The following NLGN4X variants were observed in gnomAD, a reference collection of about 807,000 sequenced individuals.
NLGN4X encodes neuroligin 4 X-linked, also known as neuroligin-4, X-linked.
Under a neutral mutation model 40.3 loss-of-function variants are expected in NLGN4X, and 3 were observed. The ratio of observed to expected loss-of-function variants is 0.07; its 90% CI spans 0.03 to 0.19. The LOEUF (loss-of-function observed/expected upper bound fraction) is 0.19. Ranked by LOEUF, NLGN4X falls within the 10% of genes least tolerant of loss-of-function variation. The probability of loss-of-function intolerance (pLI) is 1.00; values close to 1 mark genes in which losing one functional copy is unlikely to be tolerated. For synonymous variants in NLGN4X, 270 were observed against 306.8 expected (o/e 0.88, Z 1.25); for missense variants, 382 against 708.3 (o/e 0.54, Z 5.23).
At chrX:5,918,617 ACCAAAC>A (rs2032904429) in intron 3 of NLGN4X, among the ~76,000 whole-genome samples, 1 of 112,306 alleles carries the variant, frequency 8.9e-6, no homozygotes, top group Non-Finnish European at 1.9e-5. Flanking sequence ...TGCCGCTTTA[ACCAAAC>A]TCTCTGCCTC....
chrX:6,125,297 A>C (rs1371164335), intron 2 of NLGN4X, among the ~76,000 whole-genome samples: 1 of 112,388 alleles, frequency 8.9e-6, no homozygotes, highest in Non-Finnish European at 1.9e-5. Context: ...TAAGAGCAGA[A>C]ATTAGCGAAA....
At chrX:6,001,523 C>T (rs760903512) in intron 3 of NLGN4X, among the ~76,000 whole-genome samples, 4 of 111,936 alleles carry the variant, frequency 3.6e-5, no homozygotes, top group Admixed American at 9.5e-5. Context: ...AATTTTTCAC[C>T]TGCAGAATGA....
intron 2 of NLGN4X, among the ~76,000 whole-genome samples, chrX:6,133,923 C>G (rs1422955567): frequency 9.0e-6 from 1 of 111,616 alleles, no homozygotes; most frequent in Non-Finnish European, 1.9e-5. Flanking sequence ...TGCAACTACT[C>G]AACTTCGTCT....
chrX:6,182,685 G>C (rs1271936367), intron 1 of NLGN4X, among the ~76,000 whole-genome samples: 1 of 111,679 alleles, frequency 9.0e-6, no homozygotes, highest in Non-Finnish European at 1.9e-5. Flanking sequence ...CCTTACAAGA[G>C]GGAGGCAGGA....
intron 3 of NLGN4X, among the ~76,000 whole-genome samples, chrX:5,926,520 G>A (rs144584879): frequency 9.1e-6 from 1 of 110,326 alleles, no homozygotes; most frequent in Non-Finnish European, 1.9e-5. Context: ...TATTGATCAA[G>A]ATTCAGGAAA....
chrX:6,085,920 G>T (rs748542099), intron 2 of NLGN4X, among the ~76,000 whole-genome samples: 3 of 112,050 alleles, frequency 2.7e-5, no homozygotes, highest in Non-Finnish European at 5.6e-5. Flanking sequence ...ATAGCTCAGC[G>T]CCATTTTTCT....
At chrX:6,075,871 A>T (rs962662026) in intron 2 of NLGN4X, among the ~76,000 whole-genome samples, 2 of 111,460 alleles carry the variant, frequency 1.8e-5, no homozygotes, top group Admixed American at 9.6e-5. Flanking sequence ...TCTTTCCTCT[A>T]TATGTCACCC....
chrX:6,174,946 TA>T (rs1012014669), intron 1 of NLGN4X, among the ~76,000 whole-genome samples: 10 of 107,545 alleles, frequency 9.3e-5, no homozygotes, highest in African/African-American at 3.4e-4. Context: ...TAAGTTGAAA[TA>T]AAAAAAAAAT....
chrX:6,099,292 G>A (rs1050629440), intron 2 of NLGN4X, among the ~76,000 whole-genome samples: 2 of 112,409 alleles, frequency 1.8e-5, no homozygotes, highest in African/African-American at 6.5e-5. Flanking sequence ...GTTGTAGCTC[G>A]TAGAATATTC....
intron 2 of NLGN4X, among the ~76,000 whole-genome samples, chrX:6,047,869 C>T (rs771724571): frequency 8.9e-6 from 1 of 111,840 alleles, no homozygotes; most frequent in Admixed American, 9.4e-5. Context: ...TGGCTGGGAT[C>T]TGAGTGCAGG....
intron 3 of NLGN4X, among the ~76,000 whole-genome samples, chrX:5,951,356 G>C (rs186596251): frequency 8.6e-4 from 96 of 111,716 alleles, no homozygotes; most frequent in African/African-American, 3.0e-3. Context: ...GAACTAAAAA[G>C]AATAAAAATA....
chrX:5,963,225 T>C (rs1439787419), intron 3 of NLGN4X, among the ~76,000 whole-genome samples: 2 of 110,931 alleles, frequency 1.8e-5, no homozygotes, highest in East Asian at 2.9e-4. Context: ...CTATGCAATT[T>C]TGAACAGAAT....
intron 3 of NLGN4X, among the ~76,000 whole-genome samples, chrX:5,992,953 C>T (rs765062983): frequency 2.7e-5 from 3 of 111,652 alleles, no homozygotes; most frequent in East Asian, 2.8e-4. Context: ...CAGTTTTCAA[C>T]GTGAGATTTG....
In NLGN4X at chrX:5,890,922, C is replaced by T. The variant is rs2031128291; in HGVS notation, c.*1895G>A. On this transcript the variant is annotated 3_prime_UTR_variant, in exon 6 of 6. Coordinates refer to ENST00000381095, the MANE Select transcript of NLGN4X (RefSeq NM_181332.3). ...ATTCAGTAATCAAAGGTTGTTATTG[C>T]AAAAGAGCCAGGCAGCTGGACAATT... is the stretch of plus-strand genomic sequence containing the variant. 6.3e-6 allele frequency: 2 copies of T among 319,391 alleles called. No individual in the cohort carries two copies. The highest frequency in any genetic ancestry group is 5.4e-5 in the African/African-American group (2 of 37,229). 26.3% of individuals were successfully genotyped at this position (319,391 alleles called of 1,213,427 possible). A position where few individuals can be genotyped will look rare whatever the true frequency, so the allele number is the denominator to read the frequency against.
chrX:6,001,829 A>G lies in NLGN4X; in HGVS notation c.625+27451T>C, dbSNP rs980999013. Among the ~76,000 whole-genome samples the G allele has an allele frequency of 3.6e-5, 4 of 111,997 alleles. No homozygotes were observed. In the East Asian group the frequency reaches 8.4e-4, roughly 24 times the overall value. On this transcript the variant is annotated intron_variant, in intron 3 of 5. Transcript: ENST00000381095. ...AAGAAATAAAGGAAAAATCCAAGAT[A>G]GAATACATTGATTTTATTTTCTAAT...
intron 1 of NLGN4X, among the ~76,000 whole-genome samples, chrX:6,219,446 C>A: frequency 1.0e-5 from 1 of 97,117 alleles, no homozygotes; most frequent in Non-Finnish European, 2.0e-5. Flanking sequence ...TCTTTCTTTC[C>A]TTCCTTTCTT....
At chrX:5,918,106 C>T (rs748965616) in intron 3 of NLGN4X, among the ~76,000 whole-genome samples, 2 of 110,043 alleles carry the variant, frequency 1.8e-5, no homozygotes, top group South Asian at 3.9e-4. Context: ...GAAAATGATG[C>T]GGTAGTTCAG....
In NLGN4X at chrX:6,178,243, G is replaced by A. The variant is rs140550300; in HGVS notation, c.-305-26472C>T. Among the ~76,000 whole-genome samples, 5 of 111,789 alleles carry A rather than the reference G, an allele frequency of 4.5e-5. No homozygotes were observed. In the Admixed American group the frequency reaches 4.7e-4, roughly 11 times the overall value. ...AAGCTTGTGACTCCAAAAATGATGGGTAGCATCATAACAAAGGCAGTTAGT... is the reference window on the plus strand; with the variant it reads ...AAGCTTGTGACTCCAAAAATGATGGATAGCATCATAACAAAGGCAGTTAGT... On this transcript the variant is annotated intron_variant, in intron 1 of 5. Coordinates refer to ENST00000381095, the MANE Select transcript of NLGN4X (RefSeq NM_181332.3).
chrX:6,226,770 G>T, intron 1 of NLGN4X: 1 of 122,096 alleles, frequency 8.2e-6, no homozygotes, highest in Non-Finnish European at 1.7e-5. Flanking sequence ...GGCGGAGGGA[G>T]CAGCCGCGGA....
Sources: gnomAD v4.1 joint callset for allele counts (sites outside exome capture counted in the v4.1 genomes callset) on GRCh38, gnomAD v4.1.1 for gene constraint, MANE v1.5 for transcripts, NCBI Gene and HGNC (gene_info 2026-07-23, HGNC 2026-07-21) for gene names.